The following LRP1B variants were observed in gnomAD, a reference collection of about 807,000 sequenced individuals.
LRP1B encodes the protein low-density lipoprotein receptor-related protein 1B.
In LRP1B, 217 loss-of-function variants were observed where a neutral mutation model predicts 556.6. That is an observed-to-expected ratio of 0.39 (90% CI 0.35 to 0.44). The LOEUF is 0.44. Ranked by LOEUF, LRP1B falls within the 20% of genes least tolerant of loss-of-function variation. The pLI is 1.00. For synonymous variants in LRP1B, 2,047 were observed against 1,865.8 expected (o/e 1.10, Z -2.50); for missense variants, 5,053 against 5,620.8 (o/e 0.90, Z 3.23).
chr2:141,232,356 T>C (rs532062515), intron 5 of LRP1B, among the ~76,000 whole-genome samples: 1 of 152,320 alleles, frequency 6.6e-6, no homozygotes, highest in Admixed American at 6.5e-5. Flanking sequence ...AAATGACCTT[T>C]AGTGAAACTA....
At chr2:140,606,183 G>A (rs1394700464) in intron 41 of LRP1B, among the ~76,000 whole-genome samples, 2 of 151,702 alleles carry the variant, frequency 1.3e-5, no homozygotes, top group Non-Finnish European at 1.5e-5. Flanking sequence ...GGTTACAAAA[G>A]CAACATACAA....
At chr2:141,976,638 T>A (rs1267886963) in intron 1 of LRP1B, among the ~76,000 whole-genome samples, 1 of 152,114 alleles carries the variant, frequency 6.6e-6, no homozygotes, top group East Asian at 1.9e-4. Context: ...TCCCAAGTAT[T>A]CACCATTTAC....
intron 2 of LRP1B, among the ~76,000 whole-genome samples, chr2:141,613,195 TG>T (rs1441411688): frequency 6.6e-6 from 1 of 152,150 alleles, no homozygotes; most frequent in Non-Finnish European, 1.5e-5. Context: ...TTGGCTTTTT[TG>T]TTTCTGCCTA....
intron 3 of LRP1B, among the ~76,000 whole-genome samples, chr2:141,359,160 T>A (rs1208743256): frequency 4.6e-5 from 7 of 150,806 alleles, no homozygotes; most frequent in Admixed American, 4.6e-4. Flanking sequence ...ATTTCAAGAT[T>A]TAAAAAATGA....
At chr2:141,540,317 A>C (rs1394019133) in intron 2 of LRP1B, among the ~76,000 whole-genome samples, 1 of 152,002 alleles carries the variant, frequency 6.6e-6, no homozygotes, top group Non-Finnish European at 1.5e-5. Flanking sequence ...AAGCATAAAA[A>C]CATCACACCC....
intron 7 of LRP1B, among the ~76,000 whole-genome samples, chr2:141,090,482 C>A (rs1413588226): frequency 1.3e-5 from 2 of 152,150 alleles, no homozygotes; most frequent in African/African-American, 4.8e-5. Context: ...AGAGCTAGAA[C>A]CGTGACAAGA....
intron 41 of LRP1B, among the ~76,000 whole-genome samples, chr2:140,660,038 C>T (rs1685034509): frequency 6.6e-6 from 1 of 151,938 alleles, no homozygotes; most frequent in Non-Finnish European, 1.5e-5. Flanking sequence ...TTAATGCTTA[C>T]TTTTATCAAT....
chr2:142,051,696 C>G (rs778849049), intron 1 of LRP1B, among the ~76,000 whole-genome samples: 1 of 151,916 alleles, frequency 6.6e-6, no homozygotes, highest in African/African-American at 2.4e-5. Flanking sequence ...AGGCTGGTCT[C>G]GAACTCTTGA....
chr2:141,362,950 C>A (rs1256674088), intron 3 of LRP1B, among the ~76,000 whole-genome samples: 1 of 152,084 alleles, frequency 6.6e-6, no homozygotes, highest in African/African-American at 2.4e-5. Flanking sequence ...AGATACACCA[C>A]CTGCAGCTTA....
intron 33 of LRP1B, among the ~76,000 whole-genome samples, chr2:140,771,469 A>T (rs115873405): frequency 6.6e-6 from 1 of 152,200 alleles, no homozygotes. Context: ...ATGTATGTGT[A>T]TATGTATTCA....
chr2:141,460,533 T>G (rs1681825743), intron 3 of LRP1B, among the ~76,000 whole-genome samples: 1 of 152,094 alleles, frequency 6.6e-6, no homozygotes, highest in Non-Finnish European at 1.5e-5. Flanking sequence ...AGCCCATGGG[T>G]AAGTTTTAAA....
At chr2:141,121,697 G>T (rs1701053269) in intron 7 of LRP1B, among the ~76,000 whole-genome samples, 1 of 152,086 alleles carries the variant, frequency 6.6e-6, no homozygotes, top group Admixed American at 6.6e-5. Context: ...TAGATTCAAT[G>T]CCATCCCCAT....
intron 27 of LRP1B, among the ~76,000 whole-genome samples, chr2:140,859,888 G>A (rs921821228): frequency 1.3e-5 from 2 of 152,010 alleles, no homozygotes; most frequent in African/African-American, 2.4e-5. Context: ...CCAGCTACTC[G>A]GGAGGCTGAG....
intron 3 of LRP1B, among the ~76,000 whole-genome samples, chr2:141,331,294 T>C (rs1383690361): frequency 6.6e-6 from 1 of 152,158 alleles, no homozygotes; most frequent in African/African-American, 2.4e-5. Context: ...AAGGAGACAA[T>C]GAGCTCAAAT....
At position 141,351,992 on chromosome 2, in the gene LRP1B, A is replaced by G. The variant is rs1052613756; in HGVS notation, c.344-97351T>C. ...GGAGTATGAGGTATCTGAGGCACTG[A>G]AAGTGTAAAGTGTTTATTACCATGG... On this transcript the variant is annotated intron_variant, in intron 3 of 90. Coordinates refer to ENST00000389484, the MANE Select transcript of LRP1B (RefSeq NM_018557.3). Among the ~76,000 whole-genome samples, 11 of 152,042 alleles carry G rather than the reference A, an allele frequency of 7.2e-5. 1 individual carries two copies. Among genetic ancestry groups the G allele is most frequent in the Middle Eastern group, 3.4e-3 (1 of 294 alleles).
chr2:141,549,249 G>A (rs1460736051), intron 2 of LRP1B, among the ~76,000 whole-genome samples: 1 of 152,132 alleles, frequency 6.6e-6, no homozygotes, highest in Non-Finnish European at 1.5e-5. Flanking sequence ...GATGATAAAT[G>A]TAAACCTCAT....
chr2:141,758,391 T>C (rs1694399806), intron 2 of LRP1B, among the ~76,000 whole-genome samples: 1 of 152,182 alleles, frequency 6.6e-6, no homozygotes, highest in African/African-American at 2.4e-5. Flanking sequence ...AAAATGTATT[T>C]TTTATTTAAC....
intron 1 of LRP1B, among the ~76,000 whole-genome samples, chr2:141,895,938 C>A (rs931398607): frequency 5.4e-5 from 8 of 146,984 alleles, no homozygotes; most frequent in African/African-American, 2.0e-4. Flanking sequence ...GGGACAGCCA[C>A]CTCCTCTTTT....
intron 41 of LRP1B, among the ~76,000 whole-genome samples, chr2:140,611,647 G>C (rs1226789541): frequency 6.6e-6 from 1 of 151,990 alleles, no homozygotes; most frequent in African/African-American, 2.4e-5. Flanking sequence ...TTAATTTCCA[G>C]TAAATAAGCA....
Sources: allele counts gnomAD v4.1 joint callset (sites outside exome capture counted in the v4.1 genomes callset), GRCh38; gene constraint gnomAD v4.1.1; transcripts MANE v1.5; gene names NCBI Gene and HGNC (gene_info 2026-07-23, HGNC 2026-07-21).